The following GBE1 variants were observed in gnomAD, a reference collection of about 807,000 sequenced individuals.
GBE1 encodes the protein 1,4-alpha-glucan branching enzyme 1.
Under a neutral mutation model 88.8 loss-of-function variants are expected in GBE1, and 70 were observed. That is an observed-to-expected ratio of 0.79 (90% CI 0.65 to 0.96). GBE1 has a LOEUF of 0.96. GBE1 is among the 40% of genes least tolerant of loss of function. The pLI is 0.00. For synonymous variants in GBE1, 284 were observed against 300.1 expected, an observed-to-expected ratio of 0.95 and a Z score of 0.56; for missense variants, 872 against 871.0, an observed-to-expected ratio of 1.00 and a Z score of -0.01.
At chr3:81,718,810 AT>A (rs2107186646) in intron 1 of GBE1, among the ~76,000 whole-genome samples, 1 of 151,910 alleles carries the variant, frequency 6.6e-6, no homozygotes, top group East Asian at 1.9e-4. Flanking sequence ...CTAATTTTGT[AT>A]TTTTGTAGAG....
At chr3:81,552,514 C>T (rs138182246) in intron 12 of GBE1, among the ~76,000 whole-genome samples, 9 of 73,256 alleles carry the variant, frequency 1.2e-4, no homozygotes, top group Admixed American at 2.5e-4. Flanking sequence ...AAGGCTCTAT[C>T]TTATATAAAA....
In GBE1 at chr3:81,589,762, T is replaced by C. The variant is rs182214566; in HGVS notation, c.1236+1275A>G. Among the ~76,000 whole-genome samples the C allele has an allele frequency of 9.0e-4, 137 of 152,210 alleles. 1 individual carries two copies. In the Middle Eastern group the frequency reaches 0.017, roughly 19 times the overall value. On this transcript the variant is annotated intron_variant, in intron 9 of 15. Transcript: ENST00000429644. ...AGTAATTTGTCATTTGTAATATCTC[T>C]GCTTTGGATTGCCATAAATATCATT... is the stretch of plus-strand genomic sequence containing the variant.
chr3:81,571,168 G>GT (rs1256037720), intron 12 of GBE1, among the ~76,000 whole-genome samples: 1 of 152,120 alleles, frequency 6.6e-6, no homozygotes, highest in Non-Finnish European at 1.5e-5. Context: ...GTCCCATAGC[G>GT]TTATCTGCAC....
At chr3:81,701,060 C>T (rs1292357641) in intron 2 of GBE1, among the ~76,000 whole-genome samples, 2 of 152,098 alleles carry the variant, frequency 1.3e-5, no homozygotes, top group Non-Finnish European at 2.9e-5. Flanking sequence ...ACCAAAACTC[C>T]AAGTGTATTT....
At chr3:81,496,057 AG>A (rs1415633691) in intron 15 of GBE1, among the ~76,000 whole-genome samples, 3 of 152,158 alleles carry the variant, frequency 2.0e-5, no homozygotes, top group Non-Finnish European at 4.4e-5. Flanking sequence ...ATCAGAGGAG[AG>A]AAAGGAAGTC....
chr3:81,537,440 A>G (rs1350685942), intron 12 of GBE1, among the ~76,000 whole-genome samples: 2 of 152,050 alleles, frequency 1.3e-5, no homozygotes, highest in Non-Finnish European at 2.9e-5. Flanking sequence ...TTTCTGAAAT[A>G]TCTATTTCTA....
chr3:81,594,024 C>A lies in GBE1; in HGVS notation c.993-1G>T, dbSNP rs763016962. 2.2e-6 allele frequency: 3 copies of A among 1,376,862 alleles called. No individual in the cohort carries two copies. Among genetic ancestry groups the A allele is most frequent in the Admixed American group, 3.9e-5 (2 of 50,954 alleles). The allele number at this position is 1,376,862 out of a possible 1,614,324, so 85.3% of individuals were successfully genotyped here. On this transcript the variant is annotated splice_acceptor_variant, in intron 7 of 15. Transcript: ENST00000429644. LOFTEE classifies it high-confidence loss of function. ...CAGAAGGAATCTTAAAATTTCCCAGCTAAAATATAAGAGAAATATGTATTT... is the reference window on the plus strand; with the variant it reads ...CAGAAGGAATCTTAAAATTTCCCAGATAAAATATAAGAGAAATATGTATTT...
intron 1 of GBE1, among the ~76,000 whole-genome samples, chr3:81,739,928 TTAAAAA>T: frequency 6.6e-6 from 1 of 152,158 alleles, no homozygotes; most frequent in Middle Eastern, 3.4e-3. Context: ...TAATAAACAA[TTAAAAA>T]TAAAAATCGG....
chr3:81,511,125 TGAA>T (rs1181296404), intron 14 of GBE1, among the ~76,000 whole-genome samples: 1 of 152,008 alleles, frequency 6.6e-6, no homozygotes, highest in Admixed American at 6.6e-5. Context: ...ACTAGTCATA[TGAA>T]GAAGAATGAT....
intron 12 of GBE1, among the ~76,000 whole-genome samples, chr3:81,562,213 G>A (rs1161448565): frequency 1.3e-5 from 2 of 152,000 alleles, no homozygotes; most frequent in African/African-American, 4.8e-5. Context: ...TAAACAAAGA[G>A]GACCATTAAG....
chr3:81,544,160 A>C (rs962427752), intron 12 of GBE1, among the ~76,000 whole-genome samples: 9 of 152,280 alleles, frequency 5.9e-5, no homozygotes, highest in African/African-American at 2.2e-4. Flanking sequence ...AGGGCTTTTA[A>C]GCAAAATAAA....
intron 14 of GBE1, among the ~76,000 whole-genome samples, chr3:81,512,432 T>C (rs973668889): frequency 4.0e-5 from 6 of 151,896 alleles, no homozygotes; most frequent in African/African-American, 1.4e-4. Flanking sequence ...TCCACTAACA[T>C]TCATCTGTGC....
chr3:81,600,683 G>C (rs1285452253), intron 7 of GBE1, among the ~76,000 whole-genome samples: 1 of 151,988 alleles, frequency 6.6e-6, no homozygotes, highest in Non-Finnish European at 1.5e-5. Flanking sequence ...CAATATTTTA[G>C]GACAATATTC....
At chr3:81,639,042 T>C (rs2107051605) in intron 7 of GBE1, among the ~76,000 whole-genome samples, 1 of 152,256 alleles carries the variant, frequency 6.6e-6, no homozygotes, top group East Asian at 1.9e-4. Context: ...GCCTAACAAA[T>C]GTAAGGGGTG....
chr3:81,760,504 G>A (rs1048451218), intron 1 of GBE1, among the ~76,000 whole-genome samples: 1 of 152,116 alleles, frequency 6.6e-6, no homozygotes, highest in African/African-American at 2.4e-5. Context: ...CTCCTAAAAG[G>A]GGAGAAACTA....
At chr3:81,686,225 G>A (rs1259190402) in intron 2 of GBE1, among the ~76,000 whole-genome samples, 1 of 152,162 alleles carries the variant, frequency 6.6e-6, no homozygotes, top group Non-Finnish European at 1.5e-5. Flanking sequence ...ATGGGACAGA[G>A]AATATGAAAG....
At chr3:81,674,074 A>G (rs1404913316) in intron 2 of GBE1, among the ~76,000 whole-genome samples, 1 of 151,966 alleles carries the variant, frequency 6.6e-6, no homozygotes, top group Admixed American at 6.6e-5. Flanking sequence ...CTCTCCAAAT[A>G]AATCCCTCTT....
intron 15 of GBE1, among the ~76,000 whole-genome samples, chr3:81,493,564 C>T (rs1447943157): frequency 2.5e-4 from 37 of 148,190 alleles, no homozygotes; most frequent in Admixed American, 1.3e-4. Flanking sequence ...AGGAGTTTCG[C>T]TCTTGTTACC....
At chr3:81,518,254 G>A (rs903798822) in intron 14 of GBE1, among the ~76,000 whole-genome samples, 2 of 151,338 alleles carry the variant, frequency 1.3e-5, no homozygotes, top group African/African-American at 4.8e-5. Context: ...GAAGTGAAGA[G>A]ACCATCATTG....
Sources: gnomAD v4.1 joint callset for allele counts (sites outside exome capture counted in the v4.1 genomes callset) on GRCh38, gnomAD v4.1.1 for gene constraint, MANE v1.5 for transcripts, NCBI Gene and HGNC (gene_info 2026-07-23, HGNC 2026-07-21) for gene names.